SPINK5: variants seen among roughly 807,000 people sequenced by gnomAD.
SPINK5 encodes serine peptidase inhibitor Kazal type 5.
A neutral mutation model predicts 151.8 loss-of-function variants in SPINK5; 125 were observed. The ratio of observed to expected loss-of-function variants is 0.82; its 90% CI spans 0.71 to 0.96. The LOEUF (loss-of-function observed/expected upper bound fraction) is 0.96. SPINK5 is among the 40% of genes least tolerant of loss of function. The probability of loss-of-function intolerance (pLI) is 0.00; values close to 1 mark genes in which losing one functional copy is unlikely to be tolerated. For missense variants in SPINK5, 1,194 were observed against 1,291.9 expected, an observed-to-expected ratio of 0.92 and a Z score of 1.16; for synonymous variants, 374 against 395.3, an observed-to-expected ratio of 0.95 and a Z score of 0.64.
intron 4 of SPINK5, among the ~76,000 whole-genome samples, chr5:148,075,547 T>A (rs1752856254): frequency 6.6e-6 from 1 of 151,688 alleles, no homozygotes; most frequent in African/African-American, 2.4e-5. Context: ...GCTTGGGAAT[T>A]TACATAAAAT....
In SPINK5 at chr5:148,136,724, G is replaced by T. The variant is rs867721656; in HGVS notation, c.3187-259G>T. Reference sequence around the variant, plus strand: ...AATGACACCTACTTCTTTTTTATCAGCATGAAGGCTGCATGTAATCAAAGG... The same window carrying T: ...AATGACACCTACTTCTTTTTTATCATCATGAAGGCTGCATGTAATCAAAGG... On this transcript the variant is annotated intron_variant, in intron 32 of 32. Transcript: ENST00000256084. Among the ~76,000 whole-genome samples, 61 of 152,226 alleles carry T rather than the reference G, an allele frequency of 4.0e-4. No homozygotes were observed. The Middle Eastern group carries it at 0.01, about 25-fold the overall frequency.
At chr5:148,125,660 TG>T in intron 28 of SPINK5, 62 bp from the exon 29 acceptor site, 1 of 1,614,140 alleles carries the variant, frequency 6.2e-7, no homozygotes, top group Non-Finnish European at 8.5e-7. Context: ...AAACCAAGTT[TG>T]AAGAAATCAC....
chr5:148,088,261 A>G (rs1340705176), intron 5 of SPINK5, among the ~76,000 whole-genome samples: 1 of 151,772 alleles, frequency 6.6e-6, no homozygotes, highest in Non-Finnish European at 1.5e-5. Context: ...ACTTTTCCCC[A>G]TCTTCTGATG....
At chr5:148,136,790 G>A (rs1348364638) in intron 32 of SPINK5, among the ~76,000 whole-genome samples, 193 bp from the exon 33 acceptor site, 13 of 152,172 alleles carry the variant, frequency 8.5e-5, no homozygotes, top group Non-Finnish European at 1.3e-4. Context: ...ACCTCAACAC[G>A]TAGTACATAC....
chr5:148,080,683 G>A (rs1422995), intron 4 of SPINK5, among the ~76,000 whole-genome samples: 107,980 of 151,086 alleles, frequency 0.71, 39,254 homozygotes, highest in East Asian at 0.91. Context: ...CTAAATATAT[G>A]AAACTTCTCA....
intron 30 of SPINK5, among the ~76,000 whole-genome samples, chr5:148,127,923 A>G (rs545454304): frequency 2.0e-5 from 3 of 152,290 alleles, no homozygotes; most frequent in South Asian, 4.1e-4. Context: ...CATTAGCATG[A>G]TAAGATTTAC....
At position 148,072,121 on chromosome 5, in the gene SPINK5, A is replaced by G. The variant is rs573047434; in HGVS notation, c.210-27A>G. ...TAAAAGTTGAGCAAACAATGTTTAA[A>G]CTATGCTATTTCTTGTCCTTTTCCA... On this transcript the variant is annotated intron_variant, in intron 3 of 32. Coordinates refer to ENST00000256084, the MANE Select transcript of SPINK5 (RefSeq NM_006846.4). The G allele has an allele frequency of 2.1e-5, 34 of 1,605,704 alleles. No individual in the cohort carries two copies. The South Asian group carries it at 2.7e-4, about 13-fold the overall frequency.
chr5:148,127,213 C>CT (rs1754454171), intron 30 of SPINK5, 134 bp downstream of exon 30: 1 of 696,680 alleles, frequency 1.4e-6, no homozygotes, highest in African/African-American at 1.8e-5. Flanking sequence ...CCTTTGAGGA[C>CT]TATATGCAGT....
intron 4 of SPINK5, among the ~76,000 whole-genome samples, chr5:148,080,722 G>T (rs1199306694): frequency 6.6e-6 from 1 of 151,430 alleles, no homozygotes; most frequent in East Asian, 1.9e-4. Flanking sequence ...AAAAATTCAT[G>T]AACTTGGGTA....
Position 148,133,888 on chromosome 5 carries a change from G to A in SPINK5, c.3186+1G>A, listed in dbSNP as rs760465584. On this transcript the variant is annotated splice_donor_variant, in intron 32 of 32. Coordinates refer to ENST00000256084, the MANE Select transcript of SPINK5 (RefSeq NM_006846.4). LOFTEE classifies it high-confidence loss of function. ...CACCGCAGCCAGCATGCCCCCGTCT[G>A]TAAGTACATAAGTAGACTGGCCTCC... The A allele has an allele frequency of 1.5e-5, 25 of 1,613,868 alleles. No individual in the cohort carries two copies. Among genetic ancestry groups the A allele is most frequent in the Non-Finnish European group, 2.0e-5 (24 of 1,179,876 alleles).
intron 6 of SPINK5, chr5:148,089,277 G>C (rs1012752109): frequency 1.4e-5 from 9 of 629,680 alleles, no homozygotes; most frequent in East Asian, 3.4e-5. Flanking sequence ...CACATAGTAG[G>C]TTATCTGTTT....
At chr5:148,094,242 C>A in intron 8 of SPINK5, 112 bp from the exon 9 acceptor site, 1 of 1,203,202 alleles carries the variant, frequency 8.3e-7, no homozygotes, top group Non-Finnish European at 1.2e-6. Flanking sequence ...CTTCACTGAG[C>A]TATGATCATT....
chr5:148,066,601 T>C (rs75832352), intron 2 of SPINK5, among the ~76,000 whole-genome samples: 2,036 of 152,218 alleles, frequency 0.013, 39 homozygotes, highest in African/African-American at 0.047. Context: ...AGTTTACTGA[T>C]AGGGAGAGGT....
rs867141435 is a variant in SPINK5, at chr5:148,095,818, C to T, written c.795C>T (p.Phe265=). ...GNKCALCAEI[F]KQRFSEENSK... ...TACTCATTTATTTTACTTTTTCCAGCAAGCAGCGTTTTTCAGAGGAAAACA... is the reference window on the plus strand; with the variant it reads ...TACTCATTTATTTTACTTTTTCCAGTAAGCAGCGTTTTTCAGAGGAAAACA... Residue 265 remains phenylalanine, a splice_region_variant and synonymous_variant, in exon 10 of 33, where the codon TTC becomes TTT. Coordinates refer to ENST00000256084, the MANE Select transcript of SPINK5 (RefSeq NM_006846.4). 1 of 1,611,208 alleles carries T rather than the reference C, an allele frequency of 6.2e-7. No homozygotes were observed. Among genetic ancestry groups the T allele is most frequent in the South Asian group, 1.1e-5 (1 of 91,030 alleles).
chr5:148,117,226 A>G (rs1333061491), intron 22 of SPINK5, among the ~76,000 whole-genome samples: 1 of 152,068 alleles, frequency 6.6e-6, no homozygotes, highest in Non-Finnish European at 1.5e-5. Context: ...TTTTTTTCCC[A>G]TCTTTTTTGC....
chr5:148,123,747 G>T, intron 26 of SPINK5, 86 bp from the exon 27 acceptor site: 1 of 1,577,356 alleles, frequency 6.3e-7, no homozygotes, highest in South Asian at 1.1e-5. Context: ...CCTGTGTTAT[G>T]AGTTTATATC....
intron 26 of SPINK5, 57 bp from the exon 27 acceptor site, chr5:148,123,776 A>G (rs1385858280): frequency 1.2e-6 from 2 of 1,611,190 alleles, no homozygotes; most frequent in African/African-American, 2.7e-5. Context: ...CAATCATGTT[A>G]TCAGGTTTGA....
Position 148,099,239 on chromosome 5 carries a change from C to G in SPINK5, c.1016C>G (p.Ala339Gly), listed in dbSNP as rs1581079096. Residue 339 changes from alanine (A) to glycine (G), a missense_variant, in exon 12 of 33, where the codon GCA becomes GGA. Transcript: ENST00000256084. The part of the protein sequence containing the change: ...LCSMCQAYFQ[A>G]ENEEKKKAEA... ...TCTTTTTCCCTCTTATTCAGCCAAGCAGAAAATGAAGAAAAGAAAAAGGCT... is the reference window on the plus strand; with the variant it reads ...TCTTTTTCCCTCTTATTCAGCCAAGGAGAAAATGAAGAAAAGAAAAAGGCT... The G allele has an allele frequency of 1.2e-6, 2 of 1,608,984 alleles. No individual in the cohort carries two copies. The highest frequency in any genetic ancestry group is 1.7e-6 in the Non-Finnish European group (2 of 1,177,460).
chr5:148,118,108 T>C (rs1489509499), intron 22 of SPINK5, among the ~76,000 whole-genome samples: 1 of 152,148 alleles, frequency 6.6e-6, no homozygotes. Flanking sequence ...AACTTCTGCC[T>C]CCTGGGTTCA....
Sources: gnomAD v4.1 joint callset for allele counts (sites outside exome capture counted in the v4.1 genomes callset) on GRCh38, gnomAD v4.1.1 for gene constraint, MANE v1.5 for transcripts, NCBI Gene and HGNC (gene_info 2026-07-23, HGNC 2026-07-21) for gene names.